Variants in NPIPB11 observed in about 807,000 individuals in gnomAD.
NPIPB11 encodes nuclear pore complex interacting protein family member B11.
Under a neutral mutation model 32.8 loss-of-function variants are expected in NPIPB11, and 17 were observed. The observed-to-expected ratio is 0.52, with a 90% CI of 0.35 to 0.78. The LOEUF (loss-of-function observed/expected upper bound fraction) is 0.78. NPIPB11 is among the 30% of genes least tolerant of loss of function. The pLI, the probability that NPIPB11 is intolerant of heterozygous loss-of-function variation, is 0.01. For missense variants in NPIPB11, 537 were observed against 1,000.4 expected, an observed-to-expected ratio of 0.54 and a Z score of 6.25; for synonymous variants, 209 against 398.4, an observed-to-expected ratio of 0.52 and a Z score of 5.66.
Position 29,397,792 on chromosome 16 carries a change from G to T in NPIPB11, c.121-3716C>A. 7 of 201,832 alleles carry T rather than the reference G, an allele frequency of 3.5e-5. No homozygotes were observed. The Admixed American group carries it at 3.9e-4, about 11-fold the overall frequency. 12.5% of individuals were successfully genotyped at this position (201,832 alleles called of 1,614,324 possible). ...AGGGGGAAGGGAAGGGGAGGGGAAG[G>T]GGGGAAGTAAGGGAAGGGAAAGGAG... is the stretch of plus-strand genomic sequence containing the variant. On this transcript the variant is annotated intron_variant, in intron 2 of 7. Transcript: ENST00000524087.
At chr16:29,383,155 G>T in exon 8 of NPIPB11, 1 of 1,597,076 alleles carries the variant, frequency 6.3e-7, no homozygotes, top group East Asian at 2.3e-5. Context: ...ATCCGCTGAG[G>T]GTGGAAGCGG....
intron 2 of NPIPB11, among the ~76,000 whole-genome samples, chr16:29,402,012 A>G (rs1185458585): frequency 6.6e-6 from 1 of 151,520 alleles, no homozygotes; most frequent in African/African-American, 2.4e-5. Context: ...TGCCGTCAGA[A>G]CATGAACTGG....
intron 3 of NPIPB11, 126 bp downstream of exon 3, chr16:29,393,822 T>A (rs1396931721): frequency 1.6e-6 from 2 of 1,234,870 alleles, no homozygotes; most frequent in African/African-American, 3.0e-5. Context: ...TGCTAATAAA[T>A]CATTTCCCTG....
chr16:29,402,722 C>CTGTGTGTGTGTGTGTGTG (rs1245633106), intron 2 of NPIPB11, among the ~76,000 whole-genome samples: 8 of 113,804 alleles, frequency 7.0e-5, no homozygotes, highest in South Asian at 3.5e-4. Flanking sequence ...CTCTCTCTCT[C>CTGTGTGTGTGTGTGTGTG]TCTGTGTGTG....
At position 29,389,349 on chromosome 16, in the gene NPIPB11, G is replaced by A. The variant is rs1314233816; in HGVS notation, c.545+592C>T. Among the ~76,000 whole-genome samples, 21 of 132,422 alleles carry A rather than the reference G, an allele frequency of 1.6e-4. 1 individual carries two copies. The highest frequency in any genetic ancestry group is 4.3e-4 in the East Asian group (2 of 4,672). 86.9% of individuals were successfully genotyped at this position (132,422 alleles called of 152,430 possible). A position where few individuals can be genotyped will look rare whatever the true frequency, so the allele number is the denominator to read the frequency against. On this transcript the variant is annotated intron_variant, in intron 5 of 7. Coordinates refer to ENST00000524087, the Ensembl canonical transcript of NPIPB11. ...AGCACTCCAGCCTGGGCGACAGAGC[G>A]TGACTCTATCTCAAAATTAAAAAAA...
At chr16:29,392,266 G>A (rs1304205891) in intron 3 of NPIPB11, among the ~76,000 whole-genome samples, 1 of 152,124 alleles carries the variant, frequency 6.6e-6, no homozygotes, top group Non-Finnish European at 1.5e-5. Flanking sequence ...CATCATGCAT[G>A]AATGCTTCAT....
At chr16:29,389,952 G>A (rs531576797) in exon 5 of NPIPB11, 31 of 1,591,332 alleles carry the variant, frequency 1.9e-5, no homozygotes, top group Admixed American at 6.8e-5. Flanking sequence ...GTTTTCTGGC[G>A]GTCTTCCTCT....
intron 2 of NPIPB11, among the ~76,000 whole-genome samples, chr16:29,401,767 C>T (rs1420900942): frequency 1.3e-5 from 2 of 152,254 alleles, no homozygotes; most frequent in African/African-American, 2.4e-5. Context: ...TCCTTCATCT[C>T]TTAGAGCAGC....
rs561934286 is a variant in NPIPB11 at position 29,397,169 on chromosome 16, T to TAA, written c.121-3095_121-3094dup. Among the ~76,000 whole-genome samples, 228 of 138,862 alleles carry TAA rather than the reference T, an allele frequency of 1.6e-3. 1 individual carries two copies. The highest frequency in any genetic ancestry group is 3.7e-3 in the Middle Eastern group (1 of 268). The allele number at this position is 138,862 out of a possible 152,430, so 91.1% of individuals were successfully genotyped here. A position where few individuals can be genotyped will look rare whatever the true frequency, so the allele number is the denominator to read the frequency against. ...CTGGGCGACAGAGTGAGACTCTGTC[T>TAA]AAAAAAAAAAAAAAGTCATCAAACC... On this transcript the variant is annotated intron_variant, in intron 2 of 7. Coordinates refer to ENST00000524087, the Ensembl canonical transcript of NPIPB11.
intron 2 of NPIPB11, chr16:29,397,716 G>A (rs1478932030): frequency 1.1e-5 from 5 of 462,830 alleles, no homozygotes; most frequent in South Asian, 6.1e-5. Flanking sequence ...GGGGAGGGAA[G>A]GGGACGGGGA....
rs571249376 is a variant in NPIPB11, at chr16:29,402,438, C to T, written c.120+1245G>A. On this transcript the variant is annotated intron_variant, in intron 2 of 7. Transcript: ENST00000524087. ...TTTTATCTTGGACCGGGTGCAGTGG[C>T]TCACACCTATAGTCCCAGCACTTTG... Among the ~76,000 whole-genome samples, 1,108 of 112,468 alleles carry T rather than the reference C, an allele frequency of 9.9e-3. 10 individuals are homozygous for T. Among genetic ancestry groups the T allele is most frequent in the South Asian group, 0.021 (58 of 2,780 alleles). The allele number at this position is 112,468 out of a possible 152,430, so 73.8% of individuals were successfully genotyped here. A position where few individuals can be genotyped will look rare whatever the true frequency, so the allele number is the denominator to read the frequency against.
intron 5 of NPIPB11, 63 bp downstream of exon 5, chr16:29,389,878 C>G (rs1353796919): frequency 1.3e-5 from 20 of 1,572,796 alleles, no homozygotes; most frequent in Admixed American, 5.2e-5. Flanking sequence ...AAGGACTTTA[C>G]AGTTGTCTAC....
At chr16:29,392,196 G>A (rs1963739135) in intron 3 of NPIPB11, among the ~76,000 whole-genome samples, 3 of 152,064 alleles carry the variant, frequency 2.0e-5, no homozygotes, top group Admixed American at 2.0e-4. Flanking sequence ...AAGGTAGCTG[G>A]CCCAGTTTGG....
At chr16:29,394,907 A>G (rs1244446751) in intron 2 of NPIPB11, among the ~76,000 whole-genome samples, 49 of 148,334 alleles carry the variant, frequency 3.3e-4, no homozygotes, top group Non-Finnish European at 6.4e-4. Context: ...CAGTGCACTC[A>G]GCAAATTTTT....
chr16:29,404,658 G>C (rs1297798743), upstream of NPIPB11, among the ~76,000 whole-genome samples: 2 of 151,318 alleles, frequency 1.3e-5, no homozygotes, highest in Admixed American at 6.6e-5. Flanking sequence ...TTCCGGCCTG[G>C]AGGTTTCTGC....
chr16:29,399,233 G>A (rs886856927), intron 2 of NPIPB11, among the ~76,000 whole-genome samples: 2 of 152,240 alleles, frequency 1.3e-5, no homozygotes, highest in African/African-American at 4.8e-5. Context: ...ATCACACAGA[G>A]TGTGCCCAAA....
At chr16:29,399,156 G>C (rs1273251390) in intron 2 of NPIPB11, among the ~76,000 whole-genome samples, 1 of 152,036 alleles carries the variant, frequency 6.6e-6, no homozygotes, top group African/African-American at 2.4e-5. Flanking sequence ...GACCAGGACA[G>C]ACCCCCACTG....
chr16:29,389,658 T>C (rs2142123280), intron 5 of NPIPB11, among the ~76,000 whole-genome samples: 4 of 70,994 alleles, frequency 5.6e-5, no homozygotes, highest in Non-Finnish European at 7.0e-5. Flanking sequence ...ACAGCAAAGC[T>C]CCATCTCAGG....
chr16:29,405,814 T>G (rs564261363), upstream of NPIPB11, among the ~76,000 whole-genome samples: 1 of 152,314 alleles, frequency 6.6e-6, no homozygotes, highest in African/African-American at 2.4e-5. Context: ...CATTCTCATG[T>G]GTAATCAGGT....
Sources: gnomAD v4.1 joint callset for allele counts (sites outside exome capture counted in the v4.1 genomes callset) on GRCh38, gnomAD v4.1.1 for gene constraint, MANE v1.5 for transcripts, NCBI Gene and HGNC (gene_info 2026-07-23, HGNC 2026-07-21) for gene names.